Variants in PFDN1 observed in about 807,000 individuals in gnomAD.
PFDN1 encodes the protein prefoldin 1.
Under a neutral mutation model 17.3 loss-of-function variants are expected in PFDN1, and 6 were observed. The ratio of observed to expected loss-of-function variants is 0.35; its 90% CI spans 0.19 to 0.69. The LOEUF (loss-of-function observed/expected upper bound fraction) is 0.69, where lower values mean the gene tolerates loss of function less well. PFDN1 is among the 30% of genes least tolerant of loss of function. The pLI, the probability that PFDN1 is intolerant of heterozygous loss-of-function variation, is 0.65. For missense variants in PFDN1, 113 were observed against 146.2 expected (o/e 0.77, Z 1.17); for synonymous variants, 58 against 50.1 (o/e 1.16, Z -0.67).
intron 3 of PFDN1, among the ~76,000 whole-genome samples, chr5:140,270,263 G>C (rs1358227551): frequency 6.6e-6 from 1 of 152,140 alleles, no homozygotes; most frequent in Non-Finnish European, 1.5e-5. Context: ...TGGGAGGGTG[G>C]AGACTAAGGA....
At chr5:140,275,394 A>G (rs6879629) in intron 3 of PFDN1, among the ~76,000 whole-genome samples, 69,693 of 148,434 alleles carry the variant, frequency 0.47, 16,626 homozygotes, top group South Asian at 0.7. Context: ...GGGAGACAGA[A>G]CGAGACTCTG....
intron 3 of PFDN1, chr5:140,262,425 G>A (rs914220129): frequency 7.0e-6 from 3 of 431,600 alleles, no homozygotes; most frequent in Non-Finnish European, 4.8e-6. Context: ...TGAAGAACAC[G>A]TGACCTCCAT....
At chr5:140,265,792 T>C (rs1459569221) in intron 3 of PFDN1, 1 of 152,152 alleles carries the variant, frequency 6.6e-6, no homozygotes, top group Admixed American at 6.5e-5. Flanking sequence ...ACTGAATGAA[T>C]AGCATTGGGA....
At chr5:140,273,997 G>T in intron 3 of PFDN1, 1 of 422,242 alleles carries the variant, frequency 2.4e-6, no homozygotes, top group Non-Finnish European at 3.2e-6. Flanking sequence ...ATCATTGAAA[G>T]TTTACATTTA....
At position 140,280,014 on chromosome 5, in the gene PFDN1, C is replaced by CAAAAAAAAAAAAAAA. The variant is rs5871731; in HGVS notation, c.285+1434_285+1435insTTTTTTTTTTTTTTT. On this transcript the variant is annotated intron_variant, in intron 3 of 3. Transcript: ENST00000261813. The stretch of plus-strand genomic sequence containing the variant: ...CCGTCTCAAAAAAAAAAAAAAAAAA[C>CAAAAAAAAAAAAAAA]AAAAAAAGAAAAGAAAAGAAAAGAA... Among the ~76,000 whole-genome samples the CAAAAAAAAAAAAAAA allele has an allele frequency of 2.1e-3, 210 of 99,014 alleles. 8 individuals carry two copies. The highest frequency in any genetic ancestry group is 7.4e-3 in the African/African-American group (148 of 19,870). The allele number at this position is 99,014 out of a possible 152,430, so 65.0% of individuals were successfully genotyped here.
intron 2 of PFDN1, among the ~76,000 whole-genome samples, chr5:140,295,638 C>G (rs1765641407): frequency 6.6e-6 from 1 of 152,094 alleles, no homozygotes; most frequent in Non-Finnish European, 1.5e-5. Context: ...GGCAACACGC[C>G]AAAAGACTGG....
intron 3 of PFDN1, among the ~76,000 whole-genome samples, chr5:140,267,539 T>G (rs1166408449): frequency 6.6e-6 from 1 of 152,186 alleles, no homozygotes; most frequent in Non-Finnish European, 1.5e-5. Flanking sequence ...CATGAGCACT[T>G]TAAACAAAAA....
At chr5:140,279,619 G>A (rs1765359318) in intron 3 of PFDN1, among the ~76,000 whole-genome samples, 1 of 151,700 alleles carries the variant, frequency 6.6e-6, no homozygotes, top group Non-Finnish European at 1.5e-5. Context: ...TTGCCACTGT[G>A]CCCACTCTGC....
intron 3 of PFDN1, among the ~76,000 whole-genome samples, chr5:140,266,175 C>A (rs2126683753): frequency 6.6e-6 from 1 of 152,248 alleles, no homozygotes; most frequent in East Asian, 1.9e-4. Context: ...TAATCACAGG[C>A]CCAAAACTTC....
intron 3 of PFDN1, among the ~76,000 whole-genome samples, chr5:140,271,804 G>T (rs1765209001): frequency 6.6e-6 from 1 of 151,884 alleles, no homozygotes; most frequent in African/African-American, 2.4e-5. Flanking sequence ...AATCTCAAGA[G>T]ATAACACAGA....
intron 3 of PFDN1, among the ~76,000 whole-genome samples, chr5:140,272,098 C>CAA (rs1238007912): frequency 6.6e-6 from 1 of 151,902 alleles, no homozygotes; most frequent in African/African-American, 2.4e-5. Flanking sequence ...TGGCTCACTG[C>CAA]AACCTCCACC....
intron 2 of PFDN1, chr5:140,293,278 A>G (rs1332423184): frequency 6.6e-6 from 1 of 151,862 alleles, no homozygotes; most frequent in Non-Finnish European, 1.5e-5. Context: ...CTTTTCATAC[A>G]ACAAAGGCTG....
Position 140,291,607 on chromosome 5 carries a change from A to G in PFDN1, c.200+8809T>C, listed in dbSNP as rs567818891. On this transcript the variant is annotated intron_variant, in intron 2 of 3. Coordinates refer to ENST00000261813, the MANE Select transcript of PFDN1 (RefSeq NM_002622.5). ...GATAAAAAATCTGGGAGTTGTCAGTATATAAAAATGCATTTAGAGATACTC... is the reference window on the plus strand; with the variant it reads ...GATAAAAAATCTGGGAGTTGTCAGTGTATAAAAATGCATTTAGAGATACTC... 8.5e-5 allele frequency among the ~76,000 whole-genome samples: 13 copies of G among 152,242 alleles called. No homozygotes were observed. The East Asian group carries it at 2.3e-3, about 27-fold the overall frequency.
intron 3 of PFDN1, among the ~76,000 whole-genome samples, chr5:140,258,123 T>C (rs1349536841): frequency 6.6e-6 from 1 of 152,144 alleles, no homozygotes; most frequent in African/African-American, 2.4e-5. Flanking sequence ...TAAGCCATAT[T>C]AAAGTTCTGG....
chr5:140,282,569 T>C (rs982502214), intron 2 of PFDN1, among the ~76,000 whole-genome samples: 1 of 152,204 alleles, frequency 6.6e-6, no homozygotes, highest in Non-Finnish European at 1.5e-5. Context: ...ATATAGTACC[T>C]CTGAAAAGCT....
At chr5:140,263,806 G>C (rs1248131518) in intron 3 of PFDN1, among the ~76,000 whole-genome samples, 1 of 151,542 alleles carries the variant, frequency 6.6e-6, no homozygotes, top group African/African-American at 2.4e-5. Context: ...CAGATCACGA[G>C]GTCAGGAGAT....
intron 3 of PFDN1, among the ~76,000 whole-genome samples, chr5:140,249,020 CAACAG>C (rs1408018066): frequency 1.3e-5 from 2 of 152,094 alleles, no homozygotes; most frequent in African/African-American, 2.4e-5. Flanking sequence ...GAAAAAATTC[CAACAG>C]GACAGGACAT....
intron 2 of PFDN1, among the ~76,000 whole-genome samples, chr5:140,295,438 C>T (rs187135899): frequency 6.6e-6 from 1 of 152,206 alleles, no homozygotes. Flanking sequence ...TAGAAAGATG[C>T]AAAGACAAAC....
chr5:140,291,097 C>A (rs1362345744), intron 2 of PFDN1, among the ~76,000 whole-genome samples: 1 of 152,100 alleles, frequency 6.6e-6, no homozygotes. Context: ...CTGGCAAGTG[C>A]AAAAGACTTT....
Sources: gnomAD v4.1 joint callset for allele counts (sites outside exome capture counted in the v4.1 genomes callset) on GRCh38, gnomAD v4.1.1 for gene constraint, MANE v1.5 for transcripts, NCBI Gene and HGNC (gene_info 2026-07-23, HGNC 2026-07-21) for gene names.